The following SOS1 variants were observed in gnomAD, a reference collection of about 807,000 sequenced individuals.
SOS1 encodes the protein SOS Ras/Rac guanine nucleotide exchange factor 1.
Under a neutral mutation model 157.6 loss-of-function variants are expected in SOS1, and 25 were observed. The ratio of observed to expected loss-of-function variants is 0.16; its 90% CI spans 0.12 to 0.22. SOS1 has a LOEUF of 0.22. Among genes scored for constraint, SOS1 ranks in the 10% least tolerant of loss-of-function variants. SOS1 has a pLI of 1.00. For missense variants in SOS1, 1,237 were observed against 1,599.1 expected, an observed-to-expected ratio of 0.77 and a Z score of 3.86; for synonymous variants, 528 against 534.0, an observed-to-expected ratio of 0.99 and a Z score of 0.16.
At chr2:39,030,526 T>C (rs7568552) in intron 8 of SOS1, among the ~76,000 whole-genome samples, 141,652 of 152,184 alleles carry the variant, frequency 0.93, 65,991 homozygotes, top group African/African-American at 0.95. Flanking sequence ...GCTATGATCA[T>C]ACCACTGCGC....
rs1668549002 is a variant in SOS1, at chr2:38,986,085, G to A, written c.3741C>T (p.Ala1247=). ...AGGGGGAAGGGCTGTTTGGGAAGAA[G>A]GCATTGCCATGGTCACTTTTTTTGC... ...PLGKKSDHGN[A]FFPNSPSPFT... The change falls in exon 23 of 23, where the codon GCC becomes GCT. Residue 1247 remains alanine (A), a synonymous_variant. Coordinates refer to ENST00000402219, the MANE Select transcript of SOS1 (RefSeq NM_005633.4). 2 of 1,613,898 alleles carry A rather than the reference G, an allele frequency of 1.2e-6. No individual in the cohort carries two copies. The highest frequency in any genetic ancestry group is 1.7e-6 in the Non-Finnish European group (2 of 1,179,920).
chr2:39,079,946 G>A (rs936810772), intron 1 of SOS1, among the ~76,000 whole-genome samples: 11 of 152,060 alleles, frequency 7.2e-5, no homozygotes, highest in African/African-American at 2.4e-4. Context: ...GGGGAAGCAT[G>A]CCTAAAGTCA....
intron 6 of SOS1, among the ~76,000 whole-genome samples, chr2:39,037,158 G>A (rs1484826891): frequency 1.3e-5 from 2 of 152,156 alleles, no homozygotes; most frequent in Non-Finnish European, 2.9e-5. Flanking sequence ...ACTAAAAATT[G>A]CTATCATAAT....
At chr2:38,987,775 AT>A in intron 21 of SOS1, 184 bp from the exon 22 acceptor site, 2 of 563,190 alleles carry the variant, frequency 3.6e-6, no homozygotes, top group Non-Finnish European at 6.3e-6. Flanking sequence ...GCATGCAGAC[AT>A]TTTTTAGCAG....
At chr2:39,003,068 A>G (rs1370710421) in intron 17 of SOS1, among the ~76,000 whole-genome samples, 1 of 115,032 alleles carries the variant, frequency 8.7e-6, no homozygotes, top group Non-Finnish European at 2.0e-5. Context: ...CCTTGTATCA[A>G]AAAAAAAAAA....
intron 1 of SOS1, among the ~76,000 whole-genome samples, chr2:39,084,297 G>T (rs1490799486): frequency 6.6e-6 from 1 of 151,904 alleles, no homozygotes; most frequent in African/African-American, 2.4e-5. Flanking sequence ...AAAAAAGAAG[G>T]TATTCTTAAG....
intron 1 of SOS1, among the ~76,000 whole-genome samples, chr2:39,089,507 C>T (rs773709774): frequency 1.1e-5 from 1 of 93,742 alleles, no homozygotes. Flanking sequence ...CCAGCCTAGG[C>T]AACAAGAACA....
chr2:39,006,213 T>A (rs1258093090), intron 17 of SOS1, among the ~76,000 whole-genome samples, 199 bp downstream of exon 17: 1 of 152,142 alleles, frequency 6.6e-6, no homozygotes, highest in Non-Finnish European at 1.5e-5. Flanking sequence ...CTGCCTAAGA[T>A]GAAAATAGAA....
chr2:39,007,834 T>C (rs769408667), intron 15 of SOS1, among the ~76,000 whole-genome samples: 20 of 152,034 alleles, frequency 1.3e-4, no homozygotes, highest in Non-Finnish European at 1.6e-4. Context: ...AACACACACA[T>C]GCACACGCAC....
chr2:39,083,235 T>C (rs920501544), intron 1 of SOS1, among the ~76,000 whole-genome samples: 1 of 151,940 alleles, frequency 6.6e-6, no homozygotes, highest in African/African-American at 2.4e-5. Flanking sequence ...ATAGTACAAG[T>C]AGATAAAAAT....
intron 1 of SOS1, among the ~76,000 whole-genome samples, chr2:39,113,894 T>C (rs1263782591): frequency 6.6e-6 from 1 of 152,198 alleles, no homozygotes; most frequent in East Asian, 1.9e-4. Flanking sequence ...TCCAAGCTTC[T>C]AGAAAAAAAT....
chr2:39,053,263 T>G (rs1317135535), intron 5 of SOS1, among the ~76,000 whole-genome samples: 1 of 152,220 alleles, frequency 6.6e-6, no homozygotes, highest in Non-Finnish European at 1.5e-5. Flanking sequence ...TCCATACCCA[T>G]TTCAACTTTT....
At chr2:39,103,605 T>G (rs751045090) in intron 1 of SOS1, among the ~76,000 whole-genome samples, 1 of 152,286 alleles carries the variant, frequency 6.6e-6, no homozygotes, top group South Asian at 2.1e-4. Context: ...AAGAATGACG[T>G]TGGACTCCTA....
intron 10 of SOS1, among the ~76,000 whole-genome samples, chr2:39,019,796 G>A (rs1273815830): frequency 1.3e-5 from 2 of 151,316 alleles, no homozygotes; most frequent in Non-Finnish European, 3.0e-5. Context: ...CATTCCAATG[G>A]AAGTGTATCT....
At chr2:39,043,617 G>C (rs2124580307) in intron 6 of SOS1, among the ~76,000 whole-genome samples, 1 of 152,310 alleles carries the variant, frequency 6.6e-6, no homozygotes, top group African/African-American at 2.4e-5. Flanking sequence ...AGGCTAGAAG[G>C]TCAAGACAGG....
At chr2:39,122,436 A>C (rs546107849), upstream of SOS1, among the ~76,000 whole-genome samples, 5 of 86,056 alleles carry the variant, frequency 5.8e-5, no homozygotes, top group Non-Finnish European at 9.7e-5. Flanking sequence ...GTTTCAATTC[A>C]AAAAAAAATA....
intron 1 of SOS1, among the ~76,000 whole-genome samples, chr2:39,104,573 C>T (rs544369532): frequency 1.3e-5 from 2 of 152,212 alleles, no homozygotes; most frequent in East Asian, 1.9e-4. Flanking sequence ...CTAACCACAG[C>T]GAATTACAAA....
chr2:39,017,361 G>A (rs1329348917), intron 10 of SOS1, among the ~76,000 whole-genome samples: 1 of 151,964 alleles, frequency 6.6e-6, no homozygotes, highest in Non-Finnish European at 1.5e-5. Flanking sequence ...TACCTGTACT[G>A]CTAATCTTGG....
At chr2:39,014,629 C>A in intron 11 of SOS1, 136 bp downstream of exon 11, 1 of 498,998 alleles carries the variant, frequency 2.0e-6, no homozygotes, top group South Asian at 3.8e-5. Flanking sequence ...AAATGTTCAT[C>A]TAAGAGATTT....
Sources: allele counts gnomAD v4.1 joint callset (sites outside exome capture counted in the v4.1 genomes callset), GRCh38; gene constraint gnomAD v4.1.1; transcripts MANE v1.5; gene names NCBI Gene and HGNC (gene_info 2026-07-23, HGNC 2026-07-21).